The following VWA3B variants were observed in gnomAD, a reference collection of about 807,000 sequenced individuals.
VWA3B encodes von Willebrand factor A domain-containing protein 3B.
VWA3B carries 138 observed loss-of-function variants against 158.3 expected under a neutral mutation model. The observed-to-expected ratio is 0.87, with a 90% CI of 0.76 to 1.00. VWA3B has a LOEUF of 1.00. Ranked by LOEUF, VWA3B falls within the 50% of genes least tolerant of loss-of-function variation. VWA3B has a pLI of 0.00. For synonymous variants in VWA3B, 596 were observed against 587.3 expected (o/e 1.01, Z -0.21); for missense variants, 1,555 against 1,565.1 (o/e 0.99, Z 0.11).
intron 7 of VWA3B, among the ~76,000 whole-genome samples, chr2:98,134,640 G>A (rs1676127985): frequency 6.6e-6 from 1 of 151,884 alleles, no homozygotes; most frequent in South Asian, 2.1e-4. Context: ...GTTGGATGAA[G>A]GTACCTGGTG....
downstream of VWA3B, among the ~76,000 whole-genome samples, chr2:98,317,083 G>A (rs1037726001): frequency 3.3e-5 from 5 of 152,202 alleles, no homozygotes; most frequent in Non-Finnish European, 7.3e-5. Flanking sequence ...AGCATGGACT[G>A]TACCTAGAAT....
intron 7 of VWA3B, among the ~76,000 whole-genome samples, chr2:98,150,028 A>T (rs1573912432): frequency 6.6e-6 from 1 of 152,278 alleles, no homozygotes; most frequent in East Asian, 1.9e-4. Flanking sequence ...TCTGCAAATA[A>T]ATTAGTTATA....
intron 12 of VWA3B, chr2:98,206,057 C>T (rs1201969837): frequency 6.6e-6 from 1 of 152,122 alleles, no homozygotes; most frequent in Non-Finnish European, 1.5e-5. Context: ...TGGTATTGTT[C>T]AATTCCTCTC....
At chr2:98,265,454 T>G (rs1400334165) in intron 21 of VWA3B, among the ~76,000 whole-genome samples, 2 of 152,080 alleles carry the variant, frequency 1.3e-5, no homozygotes, top group African/African-American at 4.8e-5. Flanking sequence ...TGATGGACAT[T>G]TGGGTTGGTT....
At chr2:98,294,203 CAAAAAAAAAAAA>C (rs751689571) in intron 23 of VWA3B, among the ~76,000 whole-genome samples, 7 of 56,296 alleles carry the variant, frequency 1.2e-4, no homozygotes, top group Admixed American at 6.3e-4. Context: ...CACACACACA[CAAAAAAAAAAAA>C]AAAAAAAAAA....
At chr2:98,250,269 C>T (rs760816538) in intron 19 of VWA3B, 49 bp from the exon 20 acceptor site, 30 of 1,438,106 alleles carry the variant, frequency 2.1e-5, no homozygotes, top group Non-Finnish European at 2.8e-5. Flanking sequence ...CGAAGGCACG[C>T]ATTAACCTAT....
intron 7 of VWA3B, among the ~76,000 whole-genome samples, chr2:98,147,465 A>G (rs1015633791): frequency 5.3e-5 from 8 of 152,234 alleles, no homozygotes; most frequent in Admixed American, 6.5e-5. Context: ...TAATTAAGGC[A>G]TAAATATATT....
Position 98,217,979 on chromosome 2 carries a change from AT to A in VWA3B, c.1975del (p.Tyr659IlefsTer19). The stretch of plus-strand genomic sequence containing the variant: ...GCTGCTTTGACTGGAGGAGAGTTCC[AT>A]TTTTATAATTTTGGTTGCAAGGATC... ...EVAALTGGEF[H>X]FYNFGCKDPT... is the part of the protein sequence containing the mutation. On this transcript the variant is annotated frameshift_variant, in exon 14 of 28. Transcript: ENST00000477737. LOFTEE classifies it high-confidence loss of function. 6.2e-7 allele frequency: 1 copy of A among 1,612,924 alleles called. No individual in the cohort carries two copies. Among genetic ancestry groups the A allele is most frequent in the South Asian group, 1.1e-5 (1 of 90,918 alleles).
chr2:98,293,151 G>T (rs574160881), intron 23 of VWA3B, among the ~76,000 whole-genome samples: 1 of 152,190 alleles, frequency 6.6e-6, no homozygotes, highest in South Asian at 2.1e-4. Context: ...AGGAGATGGG[G>T]CTAATACCAT....
intron 22 of VWA3B, among the ~76,000 whole-genome samples, chr2:98,275,409 G>A (rs1252360056): frequency 1.3e-5 from 2 of 152,150 alleles, no homozygotes; most frequent in Non-Finnish European, 2.9e-5. Context: ...GTAATTTCAG[G>A]TGCTGGGAGA....
chr2:98,231,904 T>C (rs1387505555), intron 16 of VWA3B, among the ~76,000 whole-genome samples: 1 of 152,196 alleles, frequency 6.6e-6, no homozygotes, highest in African/African-American at 2.4e-5. Context: ...TAGTATTTTG[T>C]TGAGGATTTT....
chr2:98,230,298 A>G (rs1281357256), intron 16 of VWA3B, 91 bp downstream of exon 16: 7 of 1,303,038 alleles, frequency 5.4e-6, no homozygotes, highest in Non-Finnish European at 7.0e-6. Flanking sequence ...TATTTTTAAG[A>G]AGCACTAAAC....
At chr2:98,121,736 G>A (rs1311784768) in intron 5 of VWA3B, among the ~76,000 whole-genome samples, 1 of 151,940 alleles carries the variant, frequency 6.6e-6, no homozygotes, top group Non-Finnish European at 1.5e-5. Context: ...AGCCGAGTGC[G>A]ACTCACACCC....
In VWA3B at chr2:98,270,022, C is replaced by T. The variant is rs1688100612; in HGVS notation, c.2844-660C>T. Among the ~76,000 whole-genome samples the T allele has an allele frequency of 2.0e-5, 3 of 152,158 alleles. 1 individual carries two copies. The South Asian group carries it at 6.2e-4, about 32-fold the overall frequency. On this transcript the variant is annotated intron_variant, in intron 21 of 27. Coordinates refer to ENST00000477737, the MANE Select transcript of VWA3B (RefSeq NM_144992.5). ...CCTACCCATTCCATTCTAGCAGTGTCTGACTCAGAAGCAGCTCAGACTGGA... is the reference window on the plus strand; with the variant it reads ...CCTACCCATTCCATTCTAGCAGTGTTTGACTCAGAAGCAGCTCAGACTGGA...
At chr2:98,257,833 C>T (rs995730675) in intron 21 of VWA3B, among the ~76,000 whole-genome samples, 6 of 151,834 alleles carry the variant, frequency 4.0e-5, no homozygotes. Context: ...TTCATAATGT[C>T]CTTGGAGGTC....
chr2:98,193,264 T>C (rs1185468254), intron 11 of VWA3B, among the ~76,000 whole-genome samples: 4 of 152,260 alleles, frequency 2.6e-5, no homozygotes, highest in East Asian at 1.9e-4. Context: ...ATGTTCATTG[T>C]TTCAGATTTT....
intron 3 of VWA3B, among the ~76,000 whole-genome samples, chr2:98,118,749 A>G (rs1288467489): frequency 2.0e-5 from 3 of 151,654 alleles, no homozygotes; most frequent in Non-Finnish European, 4.4e-5. Context: ...CAACTGCTAA[A>G]ATAAAATAAA....
intron 13 of VWA3B, 122 bp from the exon 14 acceptor site, chr2:98,217,724 C>T: frequency 2.3e-6 from 2 of 865,926 alleles, no homozygotes; most frequent in East Asian, 3.2e-5. Context: ...TAAGAAGCCA[C>T]TCACCACTGT....
chr2:98,150,603 G>A lies in VWA3B; in HGVS notation c.989-12248G>A, dbSNP rs115928300. Among the ~76,000 whole-genome samples the A allele has an allele frequency of 9.6e-3, 1,466 of 152,272 alleles. 24 individuals are homozygous for A. The highest frequency in any genetic ancestry group is 0.034 in the African/African-American group (1,407 of 41,536). On this transcript the variant is annotated intron_variant, in intron 7 of 27. Transcript: ENST00000477737. The stretch of plus-strand genomic sequence containing the variant: ...CCTCGAACCTTGATTCTGTGGCTTG[G>A]TGGTGTCTAAAGACCCTTTTGCCCA...
Sources: allele counts gnomAD v4.1 joint callset (sites outside exome capture counted in the v4.1 genomes callset), GRCh38; gene constraint gnomAD v4.1.1; transcripts MANE v1.5; gene names NCBI Gene and HGNC (gene_info 2026-07-23, HGNC 2026-07-21).